Variants in VAV3 observed in about 807,000 individuals in gnomAD.
The protein encoded by VAV3 is vav guanine nucleotide exchange factor 3, also known as guanine nucleotide exchange factor VAV3.
A neutral mutation model predicts 131.2 loss-of-function variants in VAV3; 94 were observed. That is an observed-to-expected ratio of 0.72 (90% CI 0.61 to 0.85). The LOEUF is 0.85. VAV3 is among the 40% of genes least tolerant of loss of function. VAV3 has a pLI of 0.00. For missense variants in VAV3, 939 were observed against 1,002.7 expected (o/e 0.94, Z 0.86); for synonymous variants, 349 against 342.0 (o/e 1.02, Z -0.22).
Position 107,964,904 on chromosome 1 carries a change from G to A in VAV3, c.-35C>T, listed in dbSNP as rs778792510. On this transcript the variant is annotated 5_prime_UTR_variant, in exon 1 of 27. Transcript: ENST00000370056. The stretch of plus-strand genomic sequence containing the variant: ...CTCCGGGACGCGGCTGGGCCGGGGC[G>A]GGCGGCAAGGATGCGGCCGCCGCCG... 6.1e-6 allele frequency: 8 copies of A among 1,318,698 alleles called. No homozygotes were observed. Among genetic ancestry groups the A allele is most frequent in the Non-Finnish European group, 5.8e-6 (6 of 1,025,702 alleles). 81.7% of individuals were successfully genotyped at this position (1,318,698 alleles called of 1,614,324 possible).
At chr1:107,821,366 T>C (rs774359444) in intron 2 of VAV3, among the ~76,000 whole-genome samples, 13 of 152,102 alleles carry the variant, frequency 8.5e-5, no homozygotes, top group Non-Finnish European at 1.6e-4. Context: ...ATAAAACAAT[T>C]ATAGACAATA....
intron 6 of VAV3, among the ~76,000 whole-genome samples, chr1:107,769,732 C>T (rs1304466593): frequency 1.3e-5 from 2 of 152,172 alleles, no homozygotes; most frequent in Non-Finnish European, 2.9e-5. Flanking sequence ...CAAGCCTGTC[C>T]TTCCCCACCC....
intron 2 of VAV3, among the ~76,000 whole-genome samples, chr1:107,867,405 C>T (rs1189797049): frequency 1.3e-5 from 2 of 152,094 alleles, no homozygotes; most frequent in African/African-American, 4.8e-5. Context: ...ATCTGCCAAG[C>T]ATTAAATACC....
At chr1:107,790,853 A>G (rs1169415938) in intron 2 of VAV3, among the ~76,000 whole-genome samples, 1 of 151,618 alleles carries the variant, frequency 6.6e-6, no homozygotes, top group African/African-American at 2.4e-5. Flanking sequence ...ACGCCCAGCT[A>G]ATTTTTGTAT....
At chr1:107,596,456 T>A (rs547624710) in intron 24 of VAV3, 115 bp from the exon 25 acceptor site, 24 of 1,163,682 alleles carry the variant, frequency 2.1e-5, no homozygotes. Flanking sequence ...AAATTTTCCA[T>A]AGGTATATGG....
chr1:107,707,424 T>C (rs1051648044), intron 15 of VAV3, among the ~76,000 whole-genome samples: 1 of 152,202 alleles, frequency 6.6e-6, no homozygotes, highest in Non-Finnish European at 1.5e-5. Context: ...TCAAGTGATA[T>C]ATGTAACGTG....
At chr1:107,952,462 A>G (rs1179821324) in intron 1 of VAV3, among the ~76,000 whole-genome samples, 1 of 65,288 alleles carries the variant, frequency 1.5e-5, no homozygotes. Flanking sequence ...AACTTATAAC[A>G]AAACTTTATA....
At chr1:107,627,823 A>G (rs1419378172) in intron 20 of VAV3, among the ~76,000 whole-genome samples, 1 of 152,238 alleles carries the variant, frequency 6.6e-6, no homozygotes, top group Non-Finnish European at 1.5e-5. Flanking sequence ...ATCATAAAGT[A>G]TAATTTAATA....
intron 20 of VAV3, among the ~76,000 whole-genome samples, chr1:107,641,578 G>A (rs1655342808): frequency 6.6e-6 from 1 of 152,236 alleles, no homozygotes; most frequent in Non-Finnish European, 1.5e-5. Context: ...CCGGCCAAGA[G>A]AGATTTCATC....
intron 2 of VAV3, among the ~76,000 whole-genome samples, chr1:107,779,955 C>A (rs1422340151): frequency 1.3e-5 from 2 of 152,206 alleles, no homozygotes; most frequent in Non-Finnish European, 2.9e-5. Context: ...TAGCCACACA[C>A]ATGTGGCCAC....
At chr1:107,685,930 C>T (rs1411922305) in intron 18 of VAV3, 2 of 148,028 alleles carry the variant, frequency 1.4e-5, no homozygotes, top group Non-Finnish European at 3.0e-5. Flanking sequence ...TAGTAGCCAC[C>T]CCTGGAGCTC....
At chr1:107,677,765 G>A (rs1658311275) in intron 19 of VAV3, 1 of 152,154 alleles carries the variant, frequency 6.6e-6, no homozygotes, top group Non-Finnish European at 1.5e-5. Flanking sequence ...TATTACTGAT[G>A]TATATTTTCC....
At chr1:107,786,405 C>T (rs1666006549) in intron 2 of VAV3, among the ~76,000 whole-genome samples, 1 of 152,206 alleles carries the variant, frequency 6.6e-6, no homozygotes, top group Non-Finnish European at 1.5e-5. Context: ...CCATCTCTTA[C>T]TAGCAAGGTA....
At chr1:107,642,993 T>C (rs751889705) in intron 19 of VAV3, among the ~76,000 whole-genome samples, 19 of 152,130 alleles carry the variant, frequency 1.2e-4, no homozygotes, top group Non-Finnish European at 1.8e-4. Flanking sequence ...TCCCTTACCA[T>C]CAATCTCTTT....
At chr1:107,611,654 G>A (rs1179748437) in intron 21 of VAV3, among the ~76,000 whole-genome samples, 1 of 147,754 alleles carries the variant, frequency 6.8e-6, no homozygotes, top group African/African-American at 2.5e-5. Flanking sequence ...GGAGAGTAAA[G>A]AATTTCAAAA....
intron 15 of VAV3, among the ~76,000 whole-genome samples, chr1:107,715,186 G>C (rs1398736732): frequency 6.6e-6 from 1 of 152,104 alleles, no homozygotes; most frequent in Non-Finnish European, 1.5e-5. Flanking sequence ...AGTGGGAGAA[G>C]AGGGATCTCA....
intron 1 of VAV3, among the ~76,000 whole-genome samples, chr1:107,908,110 T>C (rs1672190358): frequency 6.6e-6 from 1 of 152,216 alleles, no homozygotes; most frequent in South Asian, 2.1e-4. Context: ...TCACAGTGCC[T>C]GGAAGCCTGG....
chr1:107,863,852 G>T (rs984739683), intron 2 of VAV3, among the ~76,000 whole-genome samples: 4 of 152,092 alleles, frequency 2.6e-5, no homozygotes, highest in Admixed American at 6.6e-5. Context: ...TTCCAGTTTT[G>T]GAAACATTCT....
At chr1:107,800,723 C>A (rs1403349361) in intron 2 of VAV3, among the ~76,000 whole-genome samples, 1 of 152,104 alleles carries the variant, frequency 6.6e-6, no homozygotes, top group Non-Finnish European at 1.5e-5. Flanking sequence ...GGTTGTTAAT[C>A]TCTTGTTATA....
Sources: allele counts gnomAD v4.1 joint callset (sites outside exome capture counted in the v4.1 genomes callset), GRCh38; gene constraint gnomAD v4.1.1; transcripts MANE v1.5; gene names NCBI Gene and HGNC (gene_info 2026-07-23, HGNC 2026-07-21).